Variants in DYM observed in about 807,000 individuals in gnomAD.
The protein encoded by DYM is dymeclin.
A neutral mutation model predicts 93.1 loss-of-function variants in DYM; 78 were observed. That is an observed-to-expected ratio of 0.84 (90% CI 0.70 to 1.01). The LOEUF (loss-of-function observed/expected upper bound fraction) is 1.01. Ranked by LOEUF, DYM falls within the 50% of genes least tolerant of loss-of-function variation. DYM has a pLI of 0.00. For synonymous variants in DYM, 321 were observed against 319.7 expected, an observed-to-expected ratio of 1.00 and a Z score of -0.04; for missense variants, 789 against 845.0, an observed-to-expected ratio of 0.93 and a Z score of 0.82.
intron 15 of DYM, among the ~76,000 whole-genome samples, chr18:49,156,292 C>A (rs1487878983): frequency 1.3e-5 from 2 of 152,142 alleles, no homozygotes; most frequent in African/African-American, 2.4e-5. Context: ...AGTTGGCCTT[C>A]CGTGAGAGGA....
intron 15 of DYM, among the ~76,000 whole-genome samples, chr18:49,140,362 T>G (rs1050402000): frequency 6.6e-6 from 1 of 152,198 alleles, no homozygotes; most frequent in African/African-American, 2.4e-5. Context: ...GAGTATTTCC[T>G]TGAAATGGGC....
chr18:49,266,915 A>G (rs2094579264), intron 11 of DYM, among the ~76,000 whole-genome samples: 1 of 152,200 alleles, frequency 6.6e-6, no homozygotes. Context: ...AAGCAGAAGG[A>G]TGTAAAATCA....
intron 17 of DYM, among the ~76,000 whole-genome samples, chr18:49,067,819 C>T (rs1302478865): frequency 6.6e-6 from 1 of 152,002 alleles, no homozygotes; most frequent in African/African-American, 2.4e-5. Flanking sequence ...AAAGACAGTT[C>T]TAAAAATATT....
intron 16 of DYM, among the ~76,000 whole-genome samples, chr18:49,104,501 G>C (rs944371038): frequency 6.6e-6 from 1 of 152,284 alleles, no homozygotes; most frequent in Admixed American, 6.5e-5. Flanking sequence ...AGTTTTCAAA[G>C]GGAATGCTTC....
chr18:49,113,450 T>A (rs111732211), intron 16 of DYM, among the ~76,000 whole-genome samples: 3,784 of 152,300 alleles, frequency 0.025, 57 homozygotes, highest in South Asian at 0.064. Flanking sequence ...TGTAGGCACT[T>A]GAAAAACATC....
At chr18:49,286,759 A>G in intron 8 of DYM, 143 bp from the exon 9 acceptor site, 1 of 792,360 alleles carries the variant, frequency 1.3e-6, no homozygotes, top group Non-Finnish European at 2.1e-6. Context: ...ACATTTCACA[A>G]GGCCAGAAAA....
Position 49,118,931 on chromosome 18 carries a change from T to C in DYM, c.1729-5A>G, listed in dbSNP as rs755930952. 1.4e-5 allele frequency: 23 copies of C among 1,613,622 alleles called. No individual in the cohort carries two copies. The highest frequency in any genetic ancestry group is 8.8e-5 in the South Asian group (8 of 91,058). ...AATGACATTTAGGTCTTGTGCCTTATAGAGAAAAGAAACCCCAACACAGAG... is the reference window on the plus strand; with the variant it reads ...AATGACATTTAGGTCTTGTGCCTTACAGAGAAAAGAAACCCCAACACAGAG... On this transcript the variant is annotated splice_polypyrimidine_tract_variant and splice_region_variant and intron_variant, in intron 15 of 17. Coordinates refer to ENST00000675505, the MANE Select transcript of DYM (RefSeq NM_001353214.3).
In DYM at chr18:49,292,312, A is replaced by G. The variant is rs112729791; in HGVS notation, c.764-5696T>C. On this transcript the variant is annotated intron_variant, in intron 8 of 17. Coordinates refer to ENST00000675505, the MANE Select transcript of DYM (RefSeq NM_001353214.3). Reference sequence around the variant, plus strand: ...TCCACCAACACAGACAGACAGACAGACAGGCAGGCAGGCAGGCAGGCAGGC... The same window carrying G: ...TCCACCAACACAGACAGACAGACAGGCAGGCAGGCAGGCAGGCAGGCAGGC... Among the ~76,000 whole-genome samples, 320 of 110,918 alleles carry G rather than the reference A, an allele frequency of 2.9e-3. 1 individual carries two copies. The highest frequency in any genetic ancestry group is 5.2e-3 in the Admixed American group (50 of 9,654). 72.8% of individuals were successfully genotyped at this position (110,918 alleles called of 152,430 possible). A position where few individuals can be genotyped will look rare whatever the true frequency, so the allele number is the denominator to read the frequency against.
At chr18:49,312,670 G>A (rs1213627644) in intron 8 of DYM, among the ~76,000 whole-genome samples, 1 of 152,090 alleles carries the variant, frequency 6.6e-6, no homozygotes, top group Non-Finnish European at 1.5e-5. Context: ...CATGGTACGA[G>A]AACTTGGGAA....
intron 1 of DYM, chr18:49,432,071 T>C (rs2080364459): frequency 6.6e-6 from 1 of 152,196 alleles, no homozygotes; most frequent in Non-Finnish European, 1.5e-5. Flanking sequence ...TAGAAAATGC[T>C]ATAAAAGAAA....
chr18:49,320,438 G>T (rs2062379463), intron 8 of DYM, among the ~76,000 whole-genome samples: 1 of 152,072 alleles, frequency 6.6e-6, no homozygotes, highest in Admixed American at 6.6e-5. Context: ...GTATGTCAAA[G>T]TTAAGTTGCA....
At chr18:49,419,378 T>G (rs1042433137) in intron 2 of DYM, among the ~76,000 whole-genome samples, 1 of 151,236 alleles carries the variant, frequency 6.6e-6, no homozygotes, top group African/African-American at 2.4e-5. Context: ...AAAAATAAAA[T>G]AAAATAAAAT....
chr18:49,200,271 T>A (rs182637601), intron 14 of DYM, among the ~76,000 whole-genome samples: 1,633 of 152,124 alleles, frequency 0.011, 49 homozygotes, highest in South Asian at 0.075. Context: ...AAAGATAAAT[T>A]TTAAATAATT....
At chr18:49,194,042 C>T (rs977301293) in intron 14 of DYM, among the ~76,000 whole-genome samples, 13 of 152,154 alleles carry the variant, frequency 8.5e-5, no homozygotes, top group East Asian at 5.8e-4. Context: ...GGCATCATGA[C>T]GTGCCAGGGC....
At chr18:49,355,389 A>C (rs2065465827) in intron 6 of DYM, among the ~76,000 whole-genome samples, 1 of 149,188 alleles carries the variant, frequency 6.7e-6, no homozygotes. Context: ...ATACATAGAT[A>C]GATGATACAT....
intron 14 of DYM, among the ~76,000 whole-genome samples, chr18:49,195,829 G>A (rs1490610903): frequency 6.7e-6 from 1 of 148,872 alleles, no homozygotes; most frequent in East Asian, 2.0e-4. Flanking sequence ...TAGTCAGGTA[G>A]TTTTACTGTA....
chr18:49,381,410 A>G (rs2068034875), intron 3 of DYM, among the ~76,000 whole-genome samples: 1 of 152,154 alleles, frequency 6.6e-6, no homozygotes, highest in South Asian at 2.1e-4. Flanking sequence ...ATGACTTAAG[A>G]GTCTATTCAA....
chr18:49,105,118 T>C (rs1045734269), intron 16 of DYM, among the ~76,000 whole-genome samples: 2 of 152,252 alleles, frequency 1.3e-5, no homozygotes, highest in African/African-American at 4.8e-5. Flanking sequence ...AGATTCAACT[T>C]CTTCCTGGTT....
intron 13 of DYM, among the ~76,000 whole-genome samples, chr18:49,245,647 A>G (rs1237208233): frequency 2.0e-5 from 3 of 152,188 alleles, no homozygotes; most frequent in Non-Finnish European, 2.9e-5. Context: ...TATCAAGACA[A>G]TGTGTGCACA....
Sources: allele counts gnomAD v4.1 joint callset (sites outside exome capture counted in the v4.1 genomes callset), GRCh38; gene constraint gnomAD v4.1.1; transcripts MANE v1.5; gene names NCBI Gene and HGNC (gene_info 2026-07-23, HGNC 2026-07-21).